The following BMAL2 variants were observed in gnomAD, a reference collection of about 807,000 sequenced individuals.
BMAL2 encodes basic helix-loop-helix ARNT-like protein 2.
At chr12:27,384,694 G>A in the BMAL2 span, among the ~76,000 whole-genome samples, 1 of 151,968 alleles carries the variant, frequency 6.6e-6, no homozygotes, top group East Asian at 1.9e-4. Flanking sequence ...TTATAAATCA[G>A]GCATATTAAG....
At chr12:27,393,515 A>T in the BMAL2 span, among the ~76,000 whole-genome samples, 1 of 152,028 alleles carries the variant, frequency 6.6e-6, no homozygotes, top group African/African-American at 2.4e-5. Flanking sequence ...GAGTGTGAGA[A>T]ATGGTAAGTA....
At chr12:27,363,255 G>A in the BMAL2 span, among the ~76,000 whole-genome samples, 1 of 152,172 alleles carries the variant, frequency 6.6e-6, no homozygotes, top group South Asian at 2.1e-4. Flanking sequence ...GGTTTTCATT[G>A]TTGTTGTTCA....
chr12:27,355,930 C>T, the BMAL2 span, among the ~76,000 whole-genome samples: 2 of 152,158 alleles, frequency 1.3e-5, no homozygotes, highest in Non-Finnish European at 2.9e-5. Flanking sequence ...TAATCTTAAC[C>T]ATCCTCAGGA....
chr12:27,352,548 C>T, the BMAL2 span, among the ~76,000 whole-genome samples: 3 of 129,952 alleles, frequency 2.3e-5, no homozygotes, highest in African/African-American at 9.0e-5. Context: ...TCAACATAAA[C>T]CACTCCTACT....
At chr12:27,352,700 G>C in the BMAL2 span, among the ~76,000 whole-genome samples, 2 of 152,164 alleles carry the variant, frequency 1.3e-5, no homozygotes, top group African/African-American at 4.8e-5. Context: ...AACCCTGAAG[G>C]CTCTGCTAAA....
the BMAL2 span, among the ~76,000 whole-genome samples, chr12:27,382,034 G>A: frequency 6.6e-6 from 1 of 152,224 alleles, no homozygotes; most frequent in African/African-American, 2.4e-5. Flanking sequence ...GCTAAGAGGA[G>A]AGCAGCACTC....
At chr12:27,370,251 G>T in the BMAL2 span, 2 of 1,560,140 alleles carry the variant, frequency 1.3e-6, no homozygotes, top group South Asian at 1.1e-5. Flanking sequence ...GACTGTCTTT[G>T]ACATACTCTC....
chr12:27,357,263 A>G, the BMAL2 span, among the ~76,000 whole-genome samples: 22 of 152,262 alleles, frequency 1.4e-4, no homozygotes, highest in African/African-American at 4.8e-4. Flanking sequence ...CTCTTGGTAG[A>G]TACCTAGTAG....
the BMAL2 span, among the ~76,000 whole-genome samples, chr12:27,415,449 T>C: frequency 4.6e-5 from 7 of 152,312 alleles, no homozygotes; most frequent in East Asian, 1.3e-3. Flanking sequence ...TGACCTATTA[T>C]AGTAAAAATA....
the BMAL2 span, chr12:27,421,726 G>C: frequency 6.6e-6 from 1 of 152,144 alleles, no homozygotes; most frequent in African/African-American, 2.4e-5. Context: ...TTGTCCTAAA[G>C]GAAAAAAGTA....
the BMAL2 span, among the ~76,000 whole-genome samples, chr12:27,391,086 A>G: frequency 6.6e-6 from 1 of 152,156 alleles, no homozygotes; most frequent in East Asian, 1.9e-4. Flanking sequence ...TTCAACATTT[A>G]TTTTAGATAC....
the BMAL2 span, among the ~76,000 whole-genome samples, chr12:27,378,794 G>C: frequency 6.6e-6 from 1 of 152,128 alleles, no homozygotes; most frequent in Non-Finnish European, 1.5e-5. Flanking sequence ...TTGGGGTAAT[G>C]CAATGAGCCT....
chr12:27,346,407 C>T, the BMAL2 span, among the ~76,000 whole-genome samples: 2 of 152,098 alleles, frequency 1.3e-5, no homozygotes, highest in African/African-American at 2.4e-5. Context: ...ACTACAGGTG[C>T]GCATGCCACT....
chr12:27,365,253 A>G, the BMAL2 span, among the ~76,000 whole-genome samples: 4 of 152,026 alleles, frequency 2.6e-5, no homozygotes, highest in East Asian at 5.8e-4. Context: ...ATAGTTTTTC[A>G]TTTATCTGTT....
chr12:27,386,347 G>A, the BMAL2 span, among the ~76,000 whole-genome samples: 1 of 152,184 alleles, frequency 6.6e-6, no homozygotes, highest in Admixed American at 6.5e-5. Flanking sequence ...CTGCCCTGCA[G>A]AGCATGCCCA....
the BMAL2 span, chr12:27,390,395 A>G: frequency 3.9e-6 from 3 of 769,476 alleles, no homozygotes; most frequent in East Asian, 5.6e-5. Flanking sequence ...AATTACTTAC[A>G]TTTGTTCATC....
chr12:27,420,074 C>T, the BMAL2 span, among the ~76,000 whole-genome samples: 1 of 151,110 alleles, frequency 6.6e-6, no homozygotes, highest in Non-Finnish European at 1.5e-5. Flanking sequence ...TTCCTAGCTT[C>T]CTTCCAGCTC....
chr12:27,414,375 C>T, the BMAL2 span, among the ~76,000 whole-genome samples: 23 of 152,112 alleles, frequency 1.5e-4, no homozygotes, highest in African/African-American at 5.1e-4. Context: ...GCACATGGAG[C>T]ACTCTCCAGG....
chr12:27,403,340 A>T, the BMAL2 span: 62 of 814,728 alleles, frequency 7.6e-5, no homozygotes, highest in Non-Finnish European at 1.2e-4. Flanking sequence ...GGATGCAGCT[A>T]GTCTGTTTCT....
Sources: gnomAD v4.1 joint callset for allele counts (sites outside exome capture counted in the v4.1 genomes callset) on GRCh38, gnomAD v4.1.1 for gene constraint, MANE v1.5 for transcripts, NCBI Gene and HGNC (gene_info 2026-07-23, HGNC 2026-07-21) for gene names.